NFIB: variants seen among roughly 807,000 people sequenced by gnomAD.
The protein encoded by NFIB is nuclear factor 1 B-type.
Under a neutral mutation model 61.5 loss-of-function variants are expected in NFIB, and 11 were observed. The observed-to-expected ratio is 0.18, with a 90% confidence interval of 0.11 to 0.30. The LOEUF (loss-of-function observed/expected upper bound fraction) is 0.30, where lower values mean the gene tolerates loss of function less well. NFIB is among the 10% of genes least tolerant of loss of function. NFIB has a pLI of 1.00. For synonymous variants in NFIB, 260 were observed against 216.5 expected, an observed-to-expected ratio of 1.20 and a Z score of -1.76; for missense variants, 471 against 608.9, an observed-to-expected ratio of 0.77 and a Z score of 2.38.
At chr9:14,314,937 G>A (rs181342932), upstream of NFIB, among the ~76,000 whole-genome samples, 1 of 152,012 alleles carries the variant, frequency 6.6e-6, no homozygotes, top group East Asian at 2.0e-4. Flanking sequence ...CCGAGTGGGA[G>A]AAGCACCGAA....
At chr9:14,188,935 T>C (rs2047655843) in intron 2 of NFIB, among the ~76,000 whole-genome samples, 1 of 152,186 alleles carries the variant, frequency 6.6e-6, no homozygotes, top group African/African-American at 2.4e-5. Flanking sequence ...AACATAATCA[T>C]GAAGGCAAAT....
At chr9:14,330,375 C>A (rs920337767) in intron 1 of NFIB, among the ~76,000 whole-genome samples, 2 of 152,126 alleles carry the variant, frequency 1.3e-5, no homozygotes, top group Non-Finnish European at 2.9e-5. Context: ...TGTACAGAGA[C>A]CATATTTTCC....
At chr9:14,468,601 T>G in the NFIB span, among the ~76,000 whole-genome samples, 1 of 152,196 alleles carries the variant, frequency 6.6e-6, no homozygotes, top group Admixed American at 6.5e-5. Context: ...CTCTTTCAGC[T>G]TCTCTCAGGA....
At chr9:14,316,976 G>C (rs1268016299), upstream of NFIB, 1 of 151,820 alleles carries the variant, frequency 6.6e-6, no homozygotes, top group East Asian at 1.9e-4. Context: ...TTTAAAAATC[G>C]AGCGCCCATC....
chr9:14,425,355 T>A, the NFIB span, among the ~76,000 whole-genome samples: 1 of 152,016 alleles, frequency 6.6e-6, no homozygotes, highest in Non-Finnish European at 1.5e-5. Context: ...CAGCCCTGCC[T>A]TTAGTATTTG....
rs566518315 is a variant in NFIB, at chr9:14,223,773, T to A, written c.563-43993A>T. Among the ~76,000 whole-genome samples, 20 of 152,262 alleles carry A rather than the reference T, an allele frequency of 1.3e-4. No individual in the cohort carries two copies. The South Asian group carries it at 4.2e-3, about 32-fold the overall frequency. ...TCTAGCTCAATTCCTCTAAATATAC[T>A]AAATCAAAATCTAAGAAGGAAATGG... is the stretch of plus-strand genomic sequence containing the variant. On this transcript the variant is annotated intron_variant, in intron 2 of 10. Transcript: ENST00000380953.
the NFIB span, among the ~76,000 whole-genome samples, chr9:14,465,257 G>C: frequency 1.3e-5 from 2 of 152,080 alleles, no homozygotes; most frequent in Non-Finnish European, 2.9e-5. Context: ...CATCCATCCT[G>C]GAACCTTCTA....
At chr9:14,403,207 C>T (rs2061758912), upstream of NFIB, among the ~76,000 whole-genome samples, 2 of 152,168 alleles carry the variant, frequency 1.3e-5, no homozygotes, top group Non-Finnish European at 1.5e-5. Flanking sequence ...TGAGCATCTA[C>T]GGCTATGAAA....
chr9:14,132,706 T>G (rs990786385), intron 6 of NFIB, among the ~76,000 whole-genome samples: 2 of 152,086 alleles, frequency 1.3e-5, no homozygotes, highest in African/African-American at 2.4e-5. Context: ...TAGCTAGGAC[T>G]ATGGGCACAC....
the NFIB span, among the ~76,000 whole-genome samples, chr9:14,496,787 A>G: frequency 6.6e-6 from 1 of 152,236 alleles, no homozygotes; most frequent in Non-Finnish European, 1.5e-5. Flanking sequence ...CTCTTAGCCA[A>G]TAAACACTGG....
chr9:14,372,857 G>A (rs2061373987), intron 1 of NFIB, among the ~76,000 whole-genome samples: 1 of 152,012 alleles, frequency 6.6e-6, no homozygotes, highest in Admixed American at 6.6e-5. Flanking sequence ...ATCACTCAGA[G>A]AAGAATAAAA....
the NFIB span, among the ~76,000 whole-genome samples, chr9:14,459,323 G>A: frequency 6.6e-6 from 1 of 152,156 alleles, no homozygotes. Flanking sequence ...TATGTAGAAA[G>A]CTGAAACTGG....
chr9:14,238,577 C>G (rs367581370), intron 2 of NFIB, among the ~76,000 whole-genome samples: 2 of 152,134 alleles, frequency 1.3e-5, no homozygotes, highest in Non-Finnish European at 2.9e-5. Flanking sequence ...AGAACAGCAT[C>G]GAGTACCTAA....
chr9:14,319,942 G>A (rs2060625377), intron 1 of NFIB, among the ~76,000 whole-genome samples: 1 of 152,054 alleles, frequency 6.6e-6, no homozygotes, highest in South Asian at 2.1e-4. Context: ...CAAAATATAT[G>A]TTCAGTAAAC....
chr9:14,146,897 G>A, intron 5 of NFIB, 90 bp from the exon 6 acceptor site: 5 of 1,533,382 alleles, frequency 3.3e-6, no homozygotes, highest in Admixed American at 2.2e-5. Flanking sequence ...TCCTTACTGT[G>A]AAAATTTTCA....
chr9:14,180,227 C>T (rs867502376), intron 2 of NFIB, among the ~76,000 whole-genome samples: 3 of 152,074 alleles, frequency 2.0e-5, no homozygotes, highest in African/African-American at 7.2e-5. Context: ...AATGAGAGTC[C>T]GCTTTTCCAT....
intron 3 of NFIB, among the ~76,000 whole-genome samples, chr9:14,175,396 G>C (rs921088094): frequency 2.0e-5 from 3 of 151,902 alleles, no homozygotes; most frequent in Non-Finnish European, 4.4e-5. Context: ...GAATGGTCTC[G>C]ATCTCCTGAC....
intron 2 of NFIB, chr9:14,204,147 TA>T: frequency 8.7e-6 from 4 of 460,590 alleles, no homozygotes; most frequent in Non-Finnish European, 1.5e-5. Context: ...CTTACAACAT[TA>T]AAATAACATT....
chr9:14,492,624 G>A, the NFIB span, among the ~76,000 whole-genome samples: 24 of 151,988 alleles, frequency 1.6e-4, no homozygotes, highest in African/African-American at 4.3e-4. Context: ...CGGATCTCAC[G>A]GGAACTCTAT....
Sources: gnomAD v4.1 joint callset for allele counts (sites outside exome capture counted in the v4.1 genomes callset) on GRCh38, gnomAD v4.1.1 for gene constraint, MANE v1.5 for transcripts, NCBI Gene and HGNC (gene_info 2026-07-23, HGNC 2026-07-21) for gene names.